MEGF8: variants seen among roughly 807,000 people sequenced by gnomAD.
The protein encoded by MEGF8 is multiple epidermal growth factor-like domains protein 8.
In MEGF8, 156 loss-of-function variants were observed where a neutral mutation model predicts 302.9. The ratio of observed to expected loss-of-function variants is 0.52; its 90% CI spans 0.45 to 0.59. The LOEUF is 0.59. Ranked by LOEUF, MEGF8 falls within the 20% of genes least tolerant of loss-of-function variation. MEGF8 has a pLI of 0.00. For synonymous variants in MEGF8, 1,621 were observed against 1,660.5 expected (o/e 0.98, Z 0.58); for missense variants, 3,345 against 3,964.5 (o/e 0.84, Z 4.20).
chr19:42,363,395 G>A lies in MEGF8; in HGVS notation c.6273+133G>A, dbSNP rs1613100. ...CATCTCCCTGGCTCTAGCTGCAGTC[G>A]TGCTTCCTTCTCGTGCCACCATCTC... is the stretch of plus-strand genomic sequence containing the variant. On this transcript the variant is annotated intron_variant, in intron 35 of 41. Transcript: ENST00000251268. The A allele has an allele frequency of 2.0e-4, 160 of 788,594 alleles. 1 individual carries two copies. The highest frequency in any genetic ancestry group is 3.7e-4 in the Middle Eastern group (1 of 2,736). The allele number at this position is 788,594 out of a possible 1,614,324, so 48.8% of individuals were successfully genotyped here.
At position 42,366,045 on chromosome 19, in the gene MEGF8, G is replaced by A. The variant is rs375022822; in HGVS notation, c.6274-2410G>A. Among the ~76,000 whole-genome samples the A allele has an allele frequency of 1.4e-4, 21 of 152,100 alleles. No homozygotes were observed. In the South Asian group the frequency reaches 3.7e-3, roughly 27 times the overall value. On this transcript the variant is annotated intron_variant, in intron 35 of 41. Transcript: ENST00000251268. Reference sequence around the variant, plus strand: ...TGCAGTGAACTGAGATCGCACCACTGTACTCCAGCCTGGGTGACAGAGTGA... The same window carrying A: ...TGCAGTGAACTGAGATCGCACCACTATACTCCAGCCTGGGTGACAGAGTGA...
At chr19:42,340,391 G>A (rs187149046) in intron 8 of MEGF8, among the ~76,000 whole-genome samples, 2 of 152,110 alleles carry the variant, frequency 1.3e-5, no homozygotes, top group Middle Eastern at 3.4e-3. Context: ...CACCACACCC[G>A]GCTAATTTTT....
chr19:42,356,424 G>A lies in MEGF8; in HGVS notation c.4593G>A (p.Leu1531=). 5 of 1,608,366 alleles carry A rather than the reference G, an allele frequency of 3.1e-6. No homozygotes were observed. In the South Asian group the frequency reaches 5.5e-5, roughly 18 times the overall value. Residue 1531 remains leucine, a synonymous_variant, in exon 26 of 42, where the codon CTG becomes CTA. Coordinates refer to ENST00000251268, the MANE Select transcript of MEGF8 (RefSeq NM_001271938.2). The surrounding 1 kb of genome is among the most constrained non-coding windows in gnomAD (Gnocchi z 5.2). ...ATLWMFGGLG[L]PQGLLGNLYR... ...TGTGGATGTTTGGGGGCCTGGGCCT[G>A]CCCCAGGGGCTGCTGGGAAACCTGT...
At position 42,369,208 on chromosome 19, in the gene MEGF8, A is replaced by G. The variant is rs1230257598; in HGVS notation, c.6641+206A>G. Among the ~76,000 whole-genome samples the G allele has an allele frequency of 1.3e-5, 2 of 152,190 alleles. No individual in the cohort carries two copies. Among genetic ancestry groups the G allele is most frequent in the East Asian group, 1.9e-4 (1 of 5,194 alleles). ...ATAGGGTACCCCAATGGCCGGGCAC[A>G]GTGGCTGATGCCTGTAATCCCAGCA... is the stretch of plus-strand genomic sequence containing the variant. On this transcript the variant is annotated intron_variant, in intron 37 of 41. Transcript: ENST00000251268. This position sits in a 1 kb window ranked among gnomAD's most constrained non-coding sequence, Gnocchi z 5.7.
rs1311411371 is a variant in MEGF8 at position 42,353,488 on chromosome 19, G to C, written c.3574G>C (p.Glu1192Gln). The change falls in exon 21 of 42, where the codon GAA becomes CAA. Residue 1192 changes from glutamate (E) to glutamine (Q), a missense_variant. Transcript: ENST00000251268. The surrounding 1 kb of genome is among the most constrained non-coding windows in gnomAD (Gnocchi z 6.1). Reference sequence around the variant, plus strand: ...AGACTGGACATGGGGGGAGCACTGCGAACGATGCCGGCCCGGCAGCTTCGG... The same window carrying C: ...AGACTGGACATGGGGGGAGCACTGCCAACGATGCCGGCCCGGCAGCTTCGG... ...CQDWTWGEHCERCRPGSFGNA... is the reference protein window; with the variant it reads ...CQDWTWGEHCQRCRPGSFGNA... 1.2e-5 allele frequency: 19 copies of C among 1,610,698 alleles called. No homozygotes were observed. Among genetic ancestry groups the C allele is most frequent in the Non-Finnish European group, 1.5e-5 (18 of 1,179,360 alleles).
In MEGF8 at chr19:42,356,681, C is replaced by T. The variant is rs2039457203; in HGVS notation, c.4623-93C>T. On this transcript the variant is annotated intron_variant, in intron 26 of 41. Transcript: ENST00000251268. The surrounding 1 kb of genome is among the most constrained non-coding windows in gnomAD (Gnocchi z 5.2). The stretch of plus-strand genomic sequence containing the variant: ...AAGAGGACTGTCATAGGAAGGTCAC[C>T]CCAGGGGATGCGGGGACATCTGTCA... The T allele has an allele frequency of 1.5e-6, 2 of 1,343,524 alleles. No homozygotes were observed. The highest frequency in any genetic ancestry group is 2.0e-6 in the Non-Finnish European group (2 of 986,994). 83.2% of individuals were successfully genotyped at this position (1,343,524 alleles called of 1,614,324 possible).
intron 1 of MEGF8, among the ~76,000 whole-genome samples, chr19:42,327,386 C>T (rs181770781): frequency 1.3e-5 from 2 of 152,296 alleles, no homozygotes; most frequent in Admixed American, 1.3e-4. Flanking sequence ...GATGGAGGAA[C>T]CCCAGAGGCC....
rs1245113343 is a variant in MEGF8, at chr19:42,354,979, C to T, written c.4144+259C>T. Among the ~76,000 whole-genome samples, 1 of 152,186 alleles carries T rather than the reference C, an allele frequency of 6.6e-6. No individual in the cohort carries two copies. The highest frequency in any genetic ancestry group is 1.5e-5 in the Non-Finnish European group (1 of 68,030). ...GAATGTGGTTGGTGTGAGGATCCCA[C>T]ACCACTCACTCTTTCCAGCTAGGCA... On this transcript the variant is annotated intron_variant, in intron 23 of 41. Transcript: ENST00000251268. The surrounding 1 kb of genome is among the most constrained non-coding windows in gnomAD (Gnocchi z 4.3).
chr19:42,358,317 A>G lies in MEGF8; in HGVS notation c.5175+10A>G. ...TTCTCAGGGGGCAAAGGTCAGGAAA[A>G]GAGGCTCAGACCCAAGGATGTATGG... On this transcript the variant is annotated intron_variant, in intron 29 of 41. Transcript: ENST00000251268. This position sits in a 1 kb window ranked among gnomAD's most constrained non-coding sequence, Gnocchi z 4.4. The G allele has an allele frequency of 1.3e-6, 2 of 1,595,742 alleles. No individual in the cohort carries two copies. Among genetic ancestry groups the G allele is most frequent in the Non-Finnish European group, 1.7e-6 (2 of 1,171,698 alleles).
Position 42,356,752 on chromosome 19 carries a change from C to T in MEGF8, c.4623-22C>T, listed in dbSNP as rs1004166850. 3 of 1,533,514 alleles carry T rather than the reference C, an allele frequency of 2.0e-6. No individual in the cohort carries two copies. Among genetic ancestry groups the T allele is most frequent in the African/African-American group, 1.4e-5 (1 of 72,722 alleles). The allele number at this position is 1,533,514 out of a possible 1,614,324, so 95.0% of individuals were successfully genotyped here. ...TGCTGGGATGACTGTAATGAGGCTG[C>T]TTTTTTGCACCCTGGCCCCAGGTAC... On this transcript the variant is annotated intron_variant, in intron 26 of 41. Coordinates refer to ENST00000251268, the MANE Select transcript of MEGF8 (RefSeq NM_001271938.2). The surrounding 1 kb of genome is among the most constrained non-coding windows in gnomAD (Gnocchi z 5.2).
intron 1 of MEGF8, among the ~76,000 whole-genome samples, chr19:42,331,283 G>T (rs1194766219): frequency 6.6e-6 from 1 of 152,230 alleles, no homozygotes; most frequent in Non-Finnish European, 1.5e-5. Flanking sequence ...ATTGGCAGTG[G>T]TGGCTGAGTG....
rs2147479366 is a variant in MEGF8 at position 42,353,176 on chromosome 19, C to T, written c.3550+49C>T. On this transcript the variant is annotated intron_variant, in intron 20 of 41. Transcript: ENST00000251268. The surrounding 1 kb of genome is among the most constrained non-coding windows in gnomAD (Gnocchi z 6.1). ...CAGCCTGGACCCAGGGAGCCTCCTC[C>T]CTTCTTGGGGCTCCAGTTTGCTCTT... 2.0e-6 allele frequency: 3 copies of T among 1,472,524 alleles called. No homozygotes were observed. Among genetic ancestry groups the T allele is most frequent in the Admixed American group, 2.6e-5 (1 of 38,568 alleles). 91.2% of individuals were successfully genotyped at this position (1,472,524 alleles called of 1,614,324 possible). A position where few individuals can be genotyped will look rare whatever the true frequency, so the allele number is the denominator to read the frequency against.
chr19:42,378,285 C>T lies in MEGF8; in HGVS notation c.*1510C>T, dbSNP rs1195416048. 2 of 152,566 alleles carry T rather than the reference C, an allele frequency of 1.3e-5. No homozygotes were observed. Among genetic ancestry groups the T allele is most frequent in the East Asian group, 3.8e-4 (2 of 5,198 alleles). 9.5% of individuals were successfully genotyped at this position (152,566 alleles called of 1,614,324 possible). ...GGGATAAAGCTCAGTGGTGGTGTTACCTCACCGGGGACCAGGGTCACACAG... is the reference window on the plus strand; with the variant it reads ...GGGATAAAGCTCAGTGGTGGTGTTATCTCACCGGGGACCAGGGTCACACAG... On this transcript the variant is annotated 3_prime_UTR_variant, in exon 42 of 42. Coordinates refer to ENST00000251268, the MANE Select transcript of MEGF8 (RefSeq NM_001271938.2).
chr19:42,334,672 T>G (rs1444637613), intron 3 of MEGF8, among the ~76,000 whole-genome samples: 1 of 152,228 alleles, frequency 6.6e-6, no homozygotes. Flanking sequence ...CCAGGCTGAA[T>G]GTCAACTACG....
rs555081306 is a variant in MEGF8 at position 42,348,475 on chromosome 19, G to A, written c.2298+3G>A. ...GTGGCCCTGACACGGAGAACATGGT[G>A]AGGCCGCCTGGGACATTCAGGGGGT... On this transcript the variant is annotated splice_donor_region_variant and intron_variant, in intron 13 of 41. Coordinates refer to ENST00000251268, the MANE Select transcript of MEGF8 (RefSeq NM_001271938.2). 8.6e-6 allele frequency: 13 copies of A among 1,513,672 alleles called. No homozygotes were observed. In the South Asian group the frequency reaches 1.5e-4, roughly 17 times the overall value. 93.8% of individuals were successfully genotyped at this position (1,513,672 alleles called of 1,614,324 possible).
At position 42,353,117 on chromosome 19, in the gene MEGF8, C is replaced by T. The variant is rs371402264; in HGVS notation, c.3540C>T (p.Asp1180=). 2.3e-5 allele frequency: 36 copies of T among 1,546,302 alleles called. No homozygotes were observed. The highest frequency in any genetic ancestry group is 4.0e-5 in the Admixed American group (2 of 50,360). ...HCRKRGPGFC[D]ECQDWTWGEH... The stretch of plus-strand genomic sequence containing the variant: ...GCAAGCGGGGCCCTGGCTTCTGCGA[C>T]GAGTGCCAGGGTAAGCAGCCCTTGT... Residue 1180 remains aspartate (D), a synonymous_variant, in exon 20 of 42, where the codon GAC becomes GAT. Transcript: ENST00000251268. This position sits in a 1 kb window ranked among gnomAD's most constrained non-coding sequence, Gnocchi z 6.1.
At position 42,363,082 on chromosome 19, in the gene MEGF8, C is replaced by T. The variant is rs992577271; in HGVS notation, c.6093C>T (p.Thr2031=). 1.5e-5 allele frequency: 25 copies of T among 1,613,260 alleles called. No individual in the cohort carries two copies. The highest frequency in any genetic ancestry group is 1.0e-4 in the Admixed American group (6 of 59,892). The change falls in exon 35 of 42, where the codon ACC becomes ACT. Residue 2031 remains threonine, a synonymous_variant. Transcript: ENST00000251268. ...ETRRILSVQP[T]YDWTCFSHSL... ...GCCGCATCCTCTCCGTGCAGCCCAC[C>T]TATGACTGGACGTGCTTCAGCCACT...
At chr19:42,360,749 T>C in intron 31 of MEGF8, 26 bp from the exon 32 acceptor site, 7 of 1,555,182 alleles carry the variant, frequency 4.5e-6, no homozygotes, top group Non-Finnish European at 6.1e-6. Flanking sequence ...GCTCTCTATC[T>C]GTCTGAATAC....
chr19:42,339,013 T>C (rs851293), intron 8 of MEGF8, among the ~76,000 whole-genome samples: 9,589 of 151,674 alleles, frequency 0.063, 369 homozygotes, highest in South Asian at 0.16. Flanking sequence ...TTTGTATTTT[T>C]AGTAGAGACG....
Sources: gnomAD v4.1 joint callset for allele counts (sites outside exome capture counted in the v4.1 genomes callset) on GRCh38, gnomAD v4.1.1 for gene constraint, Gnocchi (gnomAD v3.1) non-coding constraint, MANE v1.5 for transcripts, NCBI Gene and HGNC (gene_info 2026-07-23, HGNC 2026-07-21) for gene names.